GALNT14: variants seen among roughly 807,000 people sequenced by gnomAD.
GALNT14 encodes UDP-GalNAc:polypeptide N-acetylgalactosaminyltransferase 14.
In GALNT14, 60 loss-of-function variants were observed where a neutral mutation model predicts 77.5. That is an observed-to-expected ratio of 0.77 (90% CI 0.63 to 0.96). GALNT14 has a LOEUF of 0.96. Ranked by LOEUF, GALNT14 falls within the 40% of genes least tolerant of loss-of-function variation. The pLI is 0.00. For synonymous variants in GALNT14, 280 were observed against 281.7 expected (o/e 0.99, Z 0.06); for missense variants, 710 against 731.0 (o/e 0.97, Z 0.33).
intron 9 of GALNT14, among the ~76,000 whole-genome samples, chr2:30,932,710 G>A (rs1177932223): frequency 1.3e-5 from 2 of 152,148 alleles, no homozygotes; most frequent in African/African-American, 2.4e-5. Flanking sequence ...AAAACTTCAC[G>A]GCAAGGATGC....
intron 1 of GALNT14, among the ~76,000 whole-genome samples, chr2:31,046,858 G>A (rs1465810277): frequency 2.6e-5 from 4 of 152,098 alleles, no homozygotes; most frequent in Non-Finnish European, 5.9e-5. Context: ...CATGGACCTT[G>A]CTTTAGAATT....
chr2:30,963,137 C>G lies in GALNT14; in HGVS notation c.398+3067G>C, dbSNP rs181537550. Among the ~76,000 whole-genome samples the G allele has an allele frequency of 1.1e-3, 174 of 152,290 alleles. 1 individual carries two copies. Among genetic ancestry groups the G allele is most frequent in the African/African-American group, 3.9e-3 (164 of 41,556 alleles). On this transcript the variant is annotated intron_variant, in intron 3 of 14. Coordinates refer to ENST00000349752, the MANE Select transcript of GALNT14 (RefSeq NM_024572.4). ...GTTCCTAGGAGGCAGGAAACAGGCT[C>G]TCTCAGCTAAGTCGTCTGGCACGTC...
At chr2:30,948,281 C>A (rs924156134) in intron 6 of GALNT14, among the ~76,000 whole-genome samples, 13 of 152,228 alleles carry the variant, frequency 8.5e-5, no homozygotes, top group African/African-American at 2.9e-4. Flanking sequence ...AAAGGATTAA[C>A]CATGCCCAAA....
intron 1 of GALNT14, among the ~76,000 whole-genome samples, chr2:31,094,957 T>C (rs892388737): frequency 6.6e-6 from 1 of 152,028 alleles, no homozygotes; most frequent in Non-Finnish European, 1.5e-5. Context: ...AATATCAAGA[T>C]CAAAATCAGG....
chr2:30,920,355 G>T (rs1664954479), intron 13 of GALNT14, among the ~76,000 whole-genome samples: 1 of 152,212 alleles, frequency 6.6e-6, no homozygotes, highest in Admixed American at 6.5e-5. Flanking sequence ...AGAGGCAAAA[G>T]AAGTGGGAGC....
intron 1 of GALNT14, among the ~76,000 whole-genome samples, chr2:31,016,242 T>G (rs75145858): frequency 6.6e-6 from 1 of 152,160 alleles, no homozygotes; most frequent in East Asian, 1.9e-4. Context: ...TGTGGTTTTT[T>G]CTCTGTGTGT....
At chr2:30,936,951 G>C (rs1558421262) in intron 9 of GALNT14, among the ~76,000 whole-genome samples, 1 of 152,218 alleles carries the variant, frequency 6.6e-6, no homozygotes, top group Non-Finnish European at 1.5e-5. Flanking sequence ...TAGGGAAGTT[G>C]AGAAGCAGCA....
chr2:30,977,092 C>CTTTTTTTTTTTTTTT lies in GALNT14; in HGVS notation c.300-10805_300-10791dup, dbSNP rs11314175. ...CTTTATTCCATATTGGCTTTTCTGTCTTTTTTTTTTTTTTTGAGACAGGGT... is the reference window on the plus strand; with the variant it reads ...CTTTATTCCATATTGGCTTTTCTGTCTTTTTTTTTTTTTTTTTTTTTTTTTTTTTTGAGACAGGGT... On this transcript the variant is annotated intron_variant, in intron 2 of 14. Transcript: ENST00000349752. Among the ~76,000 whole-genome samples the CTTTTTTTTTTTTTTT allele has an allele frequency of 2.1e-3, 287 of 135,024 alleles. 23 individuals carry two copies. Among genetic ancestry groups the CTTTTTTTTTTTTTTT allele is most frequent in the African/African-American group, 8.5e-3 (275 of 32,520 alleles). The allele number at this position is 135,024 out of a possible 152,430, so 88.6% of individuals were successfully genotyped here. A position where few individuals can be genotyped will look rare whatever the true frequency, so the allele number is the denominator to read the frequency against.
chr2:31,020,824 C>G (rs1671668352), intron 1 of GALNT14, among the ~76,000 whole-genome samples: 1 of 152,000 alleles, frequency 6.6e-6, no homozygotes, highest in South Asian at 2.1e-4. Flanking sequence ...GGTGAGCCAG[C>G]TTCAGCTGCT....
At chr2:31,031,131 T>G (rs1014212318) in intron 1 of GALNT14, among the ~76,000 whole-genome samples, 1 of 152,184 alleles carries the variant, frequency 6.6e-6, no homozygotes, top group Non-Finnish European at 1.5e-5. Context: ...AACCTTTAAA[T>G]GGCCACAAGT....
In GALNT14 at chr2:30,924,151, C is replaced by T; in HGVS notation, c.1348G>A (p.Ala450Thr). The change falls in exon 13 of 15, where the codon GCC becomes ACC. Residue 450 changes from alanine to threonine, a missense_variant. Physicochemically the swap from Ala to Thr is moderately conservative, Grantham distance 58. Transcript: ENST00000349752. Reference sequence around the variant, plus strand: ...TTTGCATCTTCGCCTTTGACCTTGGCACAGGGGCTCAACTTTAGGTTTGGG... The same window carrying T: ...TTTGCATCTTCGCCTTTGACCTTGGTACAGGGGCTCAACTTTAGGTTTGGG... Reference protein sequence around the residue: ...ETPNLKLSPCAKVKGEDAKSQ... With the variant: ...ETPNLKLSPCTKVKGEDAKSQ... The T allele has an allele frequency of 6.2e-7, 1 of 1,614,234 alleles. No homozygotes were observed. Among genetic ancestry groups the T allele is most frequent in the Non-Finnish European group, 8.5e-7 (1 of 1,180,044 alleles).
At position 30,955,649 on chromosome 2, in the gene GALNT14, C is replaced by G; in HGVS notation, c.623G>C (p.Trp208Ser). The part of the protein sequence containing the change: ...LDSHCEVNRD[W>S]LQPLLHRVKE... ...GACCCTGTGCAACAGAGGCTGGAGC[C>G]AGTCCCTGTTCACCTCACAGTGGCT... The change falls in exon 6 of 15, where the codon TGG becomes TCG. Residue 208 changes from tryptophan (W) to serine (S), a missense_variant. Coordinates refer to ENST00000349752, the MANE Select transcript of GALNT14 (RefSeq NM_024572.4). 1.2e-6 allele frequency: 2 copies of G among 1,614,216 alleles called. No individual in the cohort carries two copies. Among genetic ancestry groups the G allele is most frequent in the Non-Finnish European group, 1.7e-6 (2 of 1,180,048 alleles).
At chr2:30,996,862 T>C (rs1368117380) in intron 1 of GALNT14, among the ~76,000 whole-genome samples, 2 of 152,170 alleles carry the variant, frequency 1.3e-5, no homozygotes, top group Non-Finnish European at 2.9e-5. Context: ...TGAGACCCCC[T>C]GAGGGGGAAC....
intron 1 of GALNT14, chr2:31,114,614 C>G: frequency 1.6e-6 from 1 of 619,544 alleles, no homozygotes; most frequent in Non-Finnish European, 2.9e-6. Context: ...AAATAAAAAT[C>G]AGGGGCAAAA....
At chr2:30,954,705 T>C (rs889323831) in intron 6 of GALNT14, among the ~76,000 whole-genome samples, 4 of 152,208 alleles carry the variant, frequency 2.6e-5, no homozygotes, top group African/African-American at 9.6e-5. Flanking sequence ...GGTAGGAGTT[T>C]AGGAGCTACC....
chr2:30,887,455 C>A, the GALNT14 span, among the ~76,000 whole-genome samples: 1 of 152,104 alleles, frequency 6.6e-6, no homozygotes, highest in African/African-American at 2.4e-5. Flanking sequence ...GTTTGCCTTG[C>A]ATTTTTCCAG....
intron 1 of GALNT14, among the ~76,000 whole-genome samples, chr2:31,030,671 T>C (rs773622279): frequency 4.6e-5 from 7 of 152,168 alleles, no homozygotes; most frequent in Non-Finnish European, 1.0e-4. Context: ...GGAGCAACAA[T>C]GACTTCTGCT....
chr2:30,960,285 G>A (rs969465739), intron 3 of GALNT14, among the ~76,000 whole-genome samples: 8 of 152,146 alleles, frequency 5.3e-5, no homozygotes, highest in Admixed American at 3.9e-4. Context: ...AGGAGACAGC[G>A]GAAAACCTGC....
rs975115697 is a variant in GALNT14, at chr2:31,120,071, G to C, written c.129+17887C>G. ...CTCGGGAGGCTGAGGCAGGAGAATG[G>C]CGTGAACCCGGGAGGCGGAGCTTGC... On this transcript the variant is annotated intron_variant, in intron 1 of 14. Transcript: ENST00000349752. Among the ~76,000 whole-genome samples the C allele has an allele frequency of 1.2e-3, 102 of 86,992 alleles. 7 individuals are homozygous for C. Among genetic ancestry groups the C allele is most frequent in the African/African-American group, 3.1e-3 (100 of 31,806 alleles). The allele number at this position is 86,992 out of a possible 152,430, so 57.1% of individuals were successfully genotyped here. A position where few individuals can be genotyped will look rare whatever the true frequency, so the allele number is the denominator to read the frequency against.
Sources: allele counts gnomAD v4.1 joint callset (sites outside exome capture counted in the v4.1 genomes callset), GRCh38; gene constraint gnomAD v4.1.1; transcripts MANE v1.5; gene names NCBI Gene and HGNC (gene_info 2026-07-23, HGNC 2026-07-21).